RRBP1: variants seen among roughly 807,000 people sequenced by gnomAD.
RRBP1 encodes the protein ribosome binding protein 1.
A neutral mutation model predicts 165.2 loss-of-function variants in RRBP1; 94 were observed. That is an observed-to-expected ratio of 0.57 (90% confidence interval 0.48 to 0.68). The LOEUF (loss-of-function observed/expected upper bound fraction) is 0.68, where lower values mean the gene tolerates loss of function less well. RRBP1 is among the 30% of genes least tolerant of loss of function. The pLI, the probability that RRBP1 is intolerant of heterozygous loss-of-function variation, is 0.00. For synonymous variants in RRBP1, 680 were observed against 714.5 expected (o/e 0.95, Z 0.77); for missense variants, 1,676 against 1,763.0 (o/e 0.95, Z 0.88).
At chr20:17,652,905 G>A (rs1429909024) in intron 3 of RRBP1, among the ~76,000 whole-genome samples, 1 of 152,202 alleles carries the variant, frequency 6.6e-6, no homozygotes, top group South Asian at 2.1e-4. Context: ...ACGTAGCAAG[G>A]GTGAAACCAA....
At chr20:17,628,748 CAG>C (rs1226548360) in intron 9 of RRBP1, among the ~76,000 whole-genome samples, 5 of 152,270 alleles carry the variant, frequency 3.3e-5, no homozygotes, top group African/African-American at 4.8e-5. Flanking sequence ...CCTCCTGCCT[CAG>C]AGAGTCTCCA....
intron 2 of RRBP1, among the ~76,000 whole-genome samples, chr20:17,664,856 A>G (rs1268431346): frequency 6.6e-6 from 1 of 152,202 alleles, no homozygotes; most frequent in African/African-American, 2.4e-5. Context: ...CCTGGGCATA[A>G]GGTGACCTGC....
intron 19 of RRBP1, 102 bp from the exon 20 acceptor site, chr20:17,618,781 T>C: frequency 1.1e-6 from 1 of 877,348 alleles, no homozygotes; most frequent in Non-Finnish European, 1.9e-6. Context: ...ACACATCCAC[T>C]TAACCAAAAC....
At chr20:17,617,997 C>T (rs528530872) in intron 20 of RRBP1, among the ~76,000 whole-genome samples, 90 of 152,326 alleles carry the variant, frequency 5.9e-4, no homozygotes, top group African/African-American at 2.0e-3. Flanking sequence ...CTGAGCTGAA[C>T]ACCAGGAGGG....
chr20:17,660,612 GT>G, intron 2 of RRBP1, 84 bp from the exon 3 acceptor site: 1 of 814,802 alleles, frequency 1.2e-6, no homozygotes, highest in South Asian at 1.7e-5. Flanking sequence ...CAAACTTCAG[GT>G]TTCACTAATT....
Position 17,633,598 on chromosome 20 carries a change from C to T in RRBP1, c.2472G>A (p.Leu824=), listed in dbSNP as rs1322864388. 2.5e-6 allele frequency: 4 copies of T among 1,613,832 alleles called. No individual in the cohort carries two copies. Among genetic ancestry groups the T allele is most frequent in the East Asian group, 2.2e-5 (1 of 44,888 alleles). The stretch of plus-strand genomic sequence containing the variant: ...TGCTGAGCTCCTGCCGAAGCTTGGC[C>T]AGCTCTGCGTTCTGCCTGCAAGACA... The part of the protein sequence containing the change: ...SQVESKQNAE[L]AKLRQELSKV... Residue 824 remains leucine, a synonymous_variant, in exon 8 of 25, where the codon CTG becomes CTA. Transcript: ENST00000377813.
At chr20:17,637,037 T>C (rs940622482) in intron 5 of RRBP1, among the ~76,000 whole-genome samples, 1 of 152,158 alleles carries the variant, frequency 6.6e-6, no homozygotes, top group East Asian at 1.9e-4. Context: ...TCCAGGGCAC[T>C]GGCTCGGCCC....
At chr20:17,616,093 T>C in intron 21 of RRBP1, 84 bp from the exon 22 acceptor site, 2 of 1,048,382 alleles carry the variant, frequency 1.9e-6, no homozygotes, top group South Asian at 3.0e-5. Flanking sequence ...CACCGCTCTC[T>C]AGCTGCTTCT....
chr20:17,629,725 C>A, intron 9 of RRBP1, 98 bp downstream of exon 9: 1 of 1,316,196 alleles, frequency 7.6e-7, no homozygotes, highest in Non-Finnish European at 1.1e-6. Context: ...ACCCAACAGG[C>A]CTAACCCACT....
chr20:17,649,309 G>A (rs1205636028), intron 3 of RRBP1, among the ~76,000 whole-genome samples: 1 of 152,182 alleles, frequency 6.6e-6, no homozygotes, highest in Non-Finnish European at 1.5e-5. Context: ...GGCAGGGCGG[G>A]GGCCTCGGGA....
At chr20:17,649,042 C>T (rs1336372844) in intron 3 of RRBP1, among the ~76,000 whole-genome samples, 1 of 152,160 alleles carries the variant, frequency 6.6e-6, no homozygotes, top group Admixed American at 6.5e-5. Flanking sequence ...CATCTAGCAG[C>T]TTCTCACACT....
chr20:17,641,673 C>T, intron 5 of RRBP1, 124 bp downstream of exon 5: 1 of 1,234,542 alleles, frequency 8.1e-7, no homozygotes. Flanking sequence ...ACTCAGCAGC[C>T]TGACAGCCAG....
intron 5 of RRBP1, 64 bp downstream of exon 5, chr20:17,641,733 A>C: frequency 6.3e-7 from 1 of 1,591,032 alleles, no homozygotes; most frequent in South Asian, 1.1e-5. Context: ...TCCACCGTGG[A>C]TGGGGCGGGG....
At chr20:17,670,565 T>C (rs1360078500) in intron 2 of RRBP1, among the ~76,000 whole-genome samples, 1 of 152,220 alleles carries the variant, frequency 6.6e-6, no homozygotes, top group Non-Finnish European at 1.5e-5. Context: ...TATTTAATCT[T>C]ATCCTTGTTC....
rs550727859 is a variant in RRBP1 at position 17,619,670 on chromosome 20, C to T, written c.3638G>A (p.Ser1213Asn). 6.2e-6 allele frequency: 10 copies of T among 1,612,912 alleles called. No homozygotes were observed. Among genetic ancestry groups the T allele is most frequent in the Non-Finnish European group, 8.5e-6 (10 of 1,179,816 alleles). ...CTTGGCGTAGTTCTGGCACTCGGCG[C>T]TGGCGGCCGCCATGTGCTTTTCCAG... ...AELEKHMAAASAECQNYAKEV... is the reference protein window; with the variant it reads ...AELEKHMAAANAECQNYAKEV... The change falls in exon 19 of 25, where the codon AGC (serine) becomes AAC (asparagine). Residue 1213 changes from serine to asparagine, a missense_variant. Physicochemically the swap from Ser to Asn is conservative, Grantham distance 46. This residue lies in a region of RRBP1 where 1,184 missense variants were observed against 1,167.1 expected (regional missense o/e 1.01). Coordinates refer to ENST00000377813, the MANE Select transcript of RRBP1 (RefSeq NM_001365613.2).
At chr20:17,652,517 A>G (rs1296430965) in intron 3 of RRBP1, among the ~76,000 whole-genome samples, 1 of 151,994 alleles carries the variant, frequency 6.6e-6, no homozygotes, top group South Asian at 2.1e-4. Context: ...AGCACCTCCC[A>G]GATCCCCGCA....
chr20:17,633,395 C>G, intron 8 of RRBP1, 65 bp downstream of exon 8: 1 of 1,555,942 alleles, frequency 6.4e-7, no homozygotes, highest in Non-Finnish European at 8.7e-7. Context: ...GGGCCCATCC[C>G]CGCTATGCAG....
chr20:17,674,201 C>A (rs991925929), intron 2 of RRBP1, among the ~76,000 whole-genome samples: 1 of 152,150 alleles, frequency 6.6e-6, no homozygotes, highest in Non-Finnish European at 1.5e-5. Flanking sequence ...TTAGAAAGGG[C>A]TAGAAATCTA....
intron 2 of RRBP1, among the ~76,000 whole-genome samples, chr20:17,679,093 T>C (rs1047505097): frequency 6.6e-6 from 1 of 152,338 alleles, no homozygotes; most frequent in Non-Finnish European, 1.5e-5. Context: ...CAACAGGAAC[T>C]GGCCTGACAA....
Sources: allele counts gnomAD v4.1 joint callset (sites outside exome capture counted in the v4.1 genomes callset), GRCh38; gene constraint gnomAD v4.1.1; regional missense constraint gnomAD v4.1.1; transcripts MANE v1.5; gene names NCBI Gene and HGNC (gene_info 2026-07-23, HGNC 2026-07-21).